JPH2: variants seen among roughly 807,000 people sequenced by gnomAD.
JPH2 encodes the protein junctophilin 2.
JPH2 carries 38 observed loss-of-function variants against 55.9 expected under a neutral mutation model. The observed-to-expected ratio is 0.68, with a 90% CI of 0.52 to 0.89. The LOEUF (loss-of-function observed/expected upper bound fraction) is 0.89, where lower values mean the gene tolerates loss of function less well. JPH2 is among the 40% of genes least tolerant of loss of function. JPH2 has a pLI of 0.00. For synonymous variants in JPH2, 480 were observed against 472.4 expected, an observed-to-expected ratio of 1.02 and a Z score of -0.21; for missense variants, 964 against 1,037.6, an observed-to-expected ratio of 0.93 and a Z score of 0.97.
At chr20:44,137,119 A>G (rs986395257) in intron 2 of JPH2, among the ~76,000 whole-genome samples, 1 of 152,184 alleles carries the variant, frequency 6.6e-6, no homozygotes, top group Non-Finnish European at 1.5e-5. Context: ...TACCCCATGA[A>G]TGTTAGCTGC....
intron 2 of JPH2, among the ~76,000 whole-genome samples, chr20:44,129,049 G>A (rs933399199): frequency 4.6e-5 from 7 of 152,160 alleles, no homozygotes; most frequent in South Asian, 2.1e-4. Flanking sequence ...CAGCAAGCTC[G>A]ATGCAGATTT....
At chr20:44,134,641 ATAAATATTTAT>A (rs2072385293) in intron 2 of JPH2, among the ~76,000 whole-genome samples, 1 of 52,434 alleles carries the variant, frequency 1.9e-5, no homozygotes, top group Non-Finnish European at 3.1e-5. Context: ...TTATAAATAT[ATAAATATTTAT>A]TATAAATATA....
rs2072188654 is a variant in JPH2 at position 44,116,047 on chromosome 20, A to T, written c.1628T>A (p.Met543Lys). 2 of 1,567,050 alleles carry T rather than the reference A, an allele frequency of 1.3e-6. No homozygotes were observed. Among genetic ancestry groups the T allele is most frequent in the East Asian group, 2.3e-5 (1 of 42,592 alleles). ...RSPARPATER[M>K]AIEALQAPPA... ...CGGTGCCTGCAGAGCCTCGATGGCC[A>T]TGCGCTCGGTGGCTGGACGCGCGGG... The change falls in exon 4 of 6, where the codon ATG becomes AAG. Residue 543 changes from methionine (M) to lysine (K), a missense_variant. By Grantham distance (95) the Met-to-Lys change is moderately conservative. Transcript: ENST00000372980.
intron 2 of JPH2, among the ~76,000 whole-genome samples, chr20:44,131,081 T>C (rs1600838108): frequency 6.6e-6 from 1 of 152,350 alleles, no homozygotes; most frequent in East Asian, 1.9e-4. Context: ...ATTCCCATCC[T>C]AGCGTAATCC....
intron 2 of JPH2, among the ~76,000 whole-genome samples, chr20:44,119,492 C>A (rs899824447): frequency 2.6e-5 from 4 of 152,166 alleles, no homozygotes; most frequent in African/African-American, 9.7e-5. Context: ...TGCCTACCCC[C>A]GGCTGATGTG....
chr20:44,173,422 C>A (rs1339035231), intron 1 of JPH2, among the ~76,000 whole-genome samples: 1 of 152,064 alleles, frequency 6.6e-6, no homozygotes, highest in African/African-American at 2.4e-5. Flanking sequence ...TAATTTCATC[C>A]CCAATCCAAC....
In JPH2 at chr20:44,149,445, G is replaced by C. The variant is rs551069236; in HGVS notation, c.1169+10173C>G. On this transcript the variant is annotated intron_variant, in intron 2 of 5. Coordinates refer to ENST00000372980, the MANE Select transcript of JPH2 (RefSeq NM_020433.5). ...TTTCTCCGCCTGCATAATATTTGTC[G>C]TGTGTGTGTATGTGTGCATGTGCAT... Among the ~76,000 whole-genome samples the C allele has an allele frequency of 5.3e-5, 8 of 152,344 alleles. No homozygotes were observed. In the South Asian group the frequency reaches 1.7e-3, roughly 32 times the overall value.
chr20:44,127,462 C>A (rs1423107622), intron 2 of JPH2, among the ~76,000 whole-genome samples: 2 of 151,700 alleles, frequency 1.3e-5, no homozygotes, highest in African/African-American at 4.8e-5. Flanking sequence ...TCTCCACATC[C>A]TCCCTAATAC....
intron 2 of JPH2, among the ~76,000 whole-genome samples, chr20:44,134,650 T>C (rs1423459580): frequency 4.7e-5 from 2 of 42,462 alleles, no homozygotes; most frequent in Non-Finnish European, 7.6e-5. Context: ...TATAAATATT[T>C]ATTATAAATA....
intron 1 of JPH2, among the ~76,000 whole-genome samples, chr20:44,184,780 C>A (rs2072818104): frequency 6.6e-6 from 1 of 152,224 alleles, no homozygotes; most frequent in Non-Finnish European, 1.5e-5. Flanking sequence ...CATGCCCACC[C>A]TCACAAACGT....
intron 1 of JPH2, among the ~76,000 whole-genome samples, chr20:44,173,082 A>T (rs962572617): frequency 6.6e-6 from 1 of 152,208 alleles, no homozygotes; most frequent in Non-Finnish European, 1.5e-5. Flanking sequence ...ACTATTCAAA[A>T]ATTGAGTTAA....
At chr20:44,162,113 G>A (rs1162124502) in intron 1 of JPH2, among the ~76,000 whole-genome samples, 2 of 152,052 alleles carry the variant, frequency 1.3e-5, no homozygotes, top group Admixed American at 6.6e-5. Context: ...TCACTGCACC[G>A]AAGGCAGAAA....
chr20:44,170,500 G>A (rs1300852370), intron 1 of JPH2, among the ~76,000 whole-genome samples: 1 of 152,244 alleles, frequency 6.6e-6, no homozygotes, highest in Non-Finnish European at 1.5e-5. Context: ...GAGCATCAGA[G>A]AGTCCAGGGG....
chr20:44,182,185 A>G (rs1008487969), intron 1 of JPH2, among the ~76,000 whole-genome samples: 1 of 152,210 alleles, frequency 6.6e-6, no homozygotes, highest in African/African-American at 2.4e-5. Flanking sequence ...TCCTAATCAC[A>G]GGATCTTATT....
At chr20:44,178,276 T>A (rs2072751868) in intron 1 of JPH2, among the ~76,000 whole-genome samples, 1 of 152,214 alleles carries the variant, frequency 6.6e-6, no homozygotes, top group Non-Finnish European at 1.5e-5. Flanking sequence ...AAAGTCAATA[T>A]ACAAAAATAG....
chr20:44,144,324 G>A (rs916281216), intron 2 of JPH2, among the ~76,000 whole-genome samples: 4 of 152,116 alleles, frequency 2.6e-5, no homozygotes, highest in African/African-American at 7.2e-5. Flanking sequence ...GGGTAAGAAC[G>A]ATGATGAAAC....
chr20:44,177,515 TCTGCTAAGGGTCTGCTGTG>T (rs1203965893), intron 1 of JPH2: 2 of 1,034,524 alleles, frequency 1.9e-6, no homozygotes, highest in African/African-American at 3.4e-5. Flanking sequence ...GCTTTTCTGT[TCTGCTAAGGGTCTGCTGTG>T]CTCTCCTGGG....
chr20:44,138,994 G>A (rs1039804023), intron 2 of JPH2, among the ~76,000 whole-genome samples: 1 of 152,052 alleles, frequency 6.6e-6, no homozygotes, highest in Non-Finnish European at 1.5e-5. Context: ...GCCTCGCCTC[G>A]TCCTCCTGTT....
rs962806640 is a variant in JPH2 at position 44,124,361 on chromosome 20, G to A, written c.1170-5738C>T. On this transcript the variant is annotated intron_variant, in intron 2 of 5. Coordinates refer to ENST00000372980, the MANE Select transcript of JPH2 (RefSeq NM_020433.5). Reference sequence around the variant, plus strand: ...CTTAGGCTGTTCCCCGACCTGGAAGGCTCTCTCCCCTCCTGCCGCGATCCT... The same window carrying A: ...CTTAGGCTGTTCCCCGACCTGGAAGACTCTCTCCCCTCCTGCCGCGATCCT... Among the ~76,000 whole-genome samples the A allele has an allele frequency of 3.2e-4, 49 of 152,168 alleles. 1 individual carries two copies. Among genetic ancestry groups the A allele is most frequent in the Non-Finnish European group, 6.8e-4 (46 of 68,016 alleles).
Sources: gnomAD v4.1 joint callset for allele counts (sites outside exome capture counted in the v4.1 genomes callset) on GRCh38, gnomAD v4.1.1 for gene constraint, MANE v1.5 for transcripts, NCBI Gene and HGNC (gene_info 2026-07-23, HGNC 2026-07-21) for gene names.